Variants in RABGEF1 observed in about 807,000 individuals in gnomAD.
The protein encoded by RABGEF1 is RAB guanine nucleotide exchange factor 1, also known as rab5 GDP/GTP exchange factor.
In RABGEF1, 26 loss-of-function variants were observed where a neutral mutation model predicts 57.3. The observed-to-expected ratio is 0.45, with a 90% CI of 0.33 to 0.63. The LOEUF (loss-of-function observed/expected upper bound fraction) is 0.63, where lower values mean the gene tolerates loss of function less well. Among genes scored for constraint, RABGEF1 ranks in the 20% least tolerant of loss-of-function variants. RABGEF1 has a pLI of 0.02. For missense variants in RABGEF1, 464 were observed against 607.6 expected, an observed-to-expected ratio of 0.76 and a Z score of 2.48; for synonymous variants, 185 against 210.7, an observed-to-expected ratio of 0.88 and a Z score of 1.06.
intron 1 of RABGEF1, among the ~76,000 whole-genome samples, chr7:66,693,802 C>CT (rs981851997): frequency 4.7e-5 from 7 of 147,924 alleles, no homozygotes; most frequent in Admixed American, 4.7e-4. Flanking sequence ...AAACTCTTTC[C>CT]TTTTTTTTCT....
At chr7:66,737,224 A>C (rs1354655353), upstream of RABGEF1, among the ~76,000 whole-genome samples, 1 of 151,696 alleles carries the variant, frequency 6.6e-6, no homozygotes, top group Non-Finnish European at 1.5e-5. Context: ...TTTAATTTTT[A>C]GGTGTTTTTT....
chr7:66,733,685 G>A (rs1481832577), intron 2 of RABGEF1, among the ~76,000 whole-genome samples: 1 of 140,430 alleles, frequency 7.1e-6, no homozygotes, highest in Non-Finnish European at 1.6e-5. Flanking sequence ...GCTACAGAGT[G>A]AGGCTCCATC....
At chr7:66,714,317 T>C (rs1345841065) in intron 2 of RABGEF1, among the ~76,000 whole-genome samples, 1 of 152,242 alleles carries the variant, frequency 6.6e-6, no homozygotes, top group African/African-American at 2.4e-5. Flanking sequence ...CAGAAATTGG[T>C]TCATTTCATC....
rs560044379 is a variant in RABGEF1, at chr7:66,752,978, G to A, written c.-18+12186G>A. On this transcript the variant is annotated intron_variant, in intron 1 of 8. Coordinates refer to ENST00000284957, the MANE Select transcript of RABGEF1 (RefSeq NM_014504.3). ...AAAACATCTATTGAGCACCTCCTCA[G>A]TTCCTGGCACTGTGCTAAGTGGCTA... Among the ~76,000 whole-genome samples, 8 of 152,316 alleles carry A rather than the reference G, an allele frequency of 5.3e-5. No individual in the cohort carries two copies. The South Asian group carries it at 1.4e-3, about 28-fold the overall frequency.
chr7:66,751,466 C>T (rs1323227638), intron 1 of RABGEF1, among the ~76,000 whole-genome samples: 2 of 152,120 alleles, frequency 1.3e-5, no homozygotes, highest in Non-Finnish European at 2.9e-5. Context: ...TGTGAGACAT[C>T]GTGAATACAG....
chr7:66,720,176 A>G (rs1240676246), intron 2 of RABGEF1, among the ~76,000 whole-genome samples: 1 of 110,296 alleles, frequency 9.1e-6, no homozygotes, highest in Non-Finnish European at 2.0e-5. Context: ...ATTCATTATT[A>G]TTATTATTAT....
chr7:66,788,155 A>G (rs1811663544), intron 4 of RABGEF1, among the ~76,000 whole-genome samples: 1 of 152,154 alleles, frequency 6.6e-6, no homozygotes, highest in South Asian at 2.1e-4. Context: ...GTGCTTTTTA[A>G]TAAACTTGGG....
At chr7:66,788,453 C>CA (rs11403290) in intron 4 of RABGEF1, among the ~76,000 whole-genome samples, 5,540 of 150,624 alleles carry the variant, frequency 0.037, 161 homozygotes, top group East Asian at 0.087. Flanking sequence ...CAAAAAAAAA[C>CA]AAAAAACAAA....
Position 66,811,334 on chromosome 7 carries a change from C to A in RABGEF1, c.*2050C>A, listed in dbSNP as rs556637181. On this transcript the variant is annotated 3_prime_UTR_variant, in exon 9 of 9. Transcript: ENST00000284957. ...TATTTCTCTTAAGTCAGCATCAATA[C>A]AACGGCCGGAGTTTCTGTTTTTGCA... 1 of 152,144 alleles carries A rather than the reference C, an allele frequency of 6.6e-6. No homozygotes were observed. The highest frequency in any genetic ancestry group is 1.5e-5 in the Non-Finnish European group (1 of 68,032). 9.4% of individuals were successfully genotyped at this position (152,144 alleles called of 1,614,324 possible).
chr7:66,795,249 C>T (rs1206074559), intron 4 of RABGEF1, among the ~76,000 whole-genome samples: 2 of 152,160 alleles, frequency 1.3e-5, no homozygotes, highest in African/African-American at 2.4e-5. Flanking sequence ...CCATTCAAAC[C>T]GCCTGCGAGC....
upstream of RABGEF1, among the ~76,000 whole-genome samples, chr7:66,679,398 C>T (rs1375287720): frequency 6.6e-6 from 1 of 152,130 alleles, no homozygotes; most frequent in Non-Finnish European, 1.5e-5. Flanking sequence ...AGCCTCAACC[C>T]CCCAGGCTCA....
rs1188524080 is a variant in RABGEF1 at position 66,706,423 on chromosome 7, T to C, written c.-872-5744T>C. ...GTTTTCCAAAGTGGCTGTACTATTT[T>C]GTTTTTAGACGGAGTCTCGCTCCGT... On this transcript the variant is annotated intron_variant and NMD_transcript_variant, in intron 1 of 9. Transcript: ENST00000607882. Among the ~76,000 whole-genome samples the C allele has an allele frequency of 2.6e-5, 4 of 152,164 alleles. No individual in the cohort carries two copies. In the East Asian group the frequency reaches 7.7e-4, roughly 29 times the overall value.
intron 4 of RABGEF1, among the ~76,000 whole-genome samples, chr7:66,785,591 G>A (rs1289386836): frequency 6.6e-6 from 1 of 152,176 alleles, no homozygotes; most frequent in African/African-American, 2.4e-5. Context: ...AATAGCCTTT[G>A]TGGCCGGGTG....
upstream of RABGEF1, chr7:66,740,668 C>G (rs1798690799): frequency 1.3e-5 from 2 of 152,838 alleles, no homozygotes; most frequent in African/African-American, 2.4e-5. Flanking sequence ...CGTGCGTTCG[C>G]TGGCGGTGCC....
intron 4 of RABGEF1, among the ~76,000 whole-genome samples, chr7:66,794,207 A>ATTT (rs1174835014): frequency 2.2e-5 from 2 of 91,072 alleles, no homozygotes; most frequent in African/African-American, 8.8e-5. Flanking sequence ...TCCATGTTTA[A>ATTT]TTTTTTTTTT....
intron 1 of RABGEF1, among the ~76,000 whole-genome samples, chr7:66,766,987 G>T (rs935341155): frequency 1.4e-5 from 2 of 142,134 alleles, no homozygotes; most frequent in Admixed American, 7.3e-5. Context: ...CCTGGAAATT[G>T]CCTGTCAAGT....
At chr7:66,761,638 C>T (rs1388096828) in intron 1 of RABGEF1, among the ~76,000 whole-genome samples, 1 of 152,138 alleles carries the variant, frequency 6.6e-6, no homozygotes, top group Non-Finnish European at 1.5e-5. Context: ...GAGTACAGAG[C>T]TGGACCCTCT....
At chr7:66,728,951 C>CTTT (rs1208215962) in intron 2 of RABGEF1, among the ~76,000 whole-genome samples, 4 of 136,290 alleles carry the variant, frequency 2.9e-5, no homozygotes, top group Non-Finnish European at 1.6e-5. Context: ...TTCACCTCCA[C>CTTT]TTTTTTTTTT....
At chr7:66,761,292 C>T (rs1804279366) in intron 1 of RABGEF1, among the ~76,000 whole-genome samples, 4 of 152,180 alleles carry the variant, frequency 2.6e-5, no homozygotes, top group South Asian at 4.1e-4. Flanking sequence ...CTCCTAACCC[C>T]CATCAGTTGC....
Sources: gnomAD v4.1 joint callset for allele counts (sites outside exome capture counted in the v4.1 genomes callset) on GRCh38, gnomAD v4.1.1 for gene constraint, MANE v1.5 for transcripts, NCBI Gene and HGNC (gene_info 2026-07-23, HGNC 2026-07-21) for gene names.